Variants in SLC24A3 observed in about 807,000 individuals in gnomAD.
SLC24A3 encodes sodium/potassium/calcium exchanger 3.
SLC24A3 carries 28 observed loss-of-function variants against 75.8 expected under a neutral mutation model. That is an observed-to-expected ratio of 0.37 (90% CI 0.27 to 0.51). The LOEUF (loss-of-function observed/expected upper bound fraction) is 0.51. SLC24A3 is among the 20% of genes least tolerant of loss of function. SLC24A3 has a pLI of 0.94. For missense variants in SLC24A3, 663 were observed against 847.8 expected (o/e 0.78, Z 2.71); for synonymous variants, 372 against 334.1 (o/e 1.11, Z -1.24).
intron 2 of SLC24A3, among the ~76,000 whole-genome samples, chr20:19,391,074 G>A (rs934961253): frequency 4.6e-5 from 7 of 152,216 alleles, no homozygotes; most frequent in African/African-American, 1.7e-4. Context: ...GCGGCTTTGG[G>A]ACCATCCTGG....
At chr20:19,515,609 G>A (rs2029970897) in intron 3 of SLC24A3, 45 bp downstream of exon 3, 1 of 1,602,912 alleles carries the variant, frequency 6.2e-7, no homozygotes, top group Non-Finnish European at 8.5e-7. Context: ...CATAGGCTAG[G>A]CCTAGGGGTG....
chr20:19,540,809 G>A (rs146728901), intron 3 of SLC24A3, among the ~76,000 whole-genome samples: 120 of 152,276 alleles, frequency 7.9e-4, no homozygotes, highest in African/African-American at 2.4e-3. Flanking sequence ...CCCATCTTCC[G>A]TCCCTTTATA....
At chr20:19,514,881 G>T (rs1021834099) in intron 2 of SLC24A3, among the ~76,000 whole-genome samples, 7 of 152,170 alleles carry the variant, frequency 4.6e-5, no homozygotes, top group Non-Finnish European at 8.8e-5. Context: ...CAGGGAGGGG[G>T]TTGTTCTAAT....
chr20:19,586,166 G>A (rs1425684498), intron 6 of SLC24A3, among the ~76,000 whole-genome samples: 2 of 152,150 alleles, frequency 1.3e-5, no homozygotes, highest in Admixed American at 6.5e-5. Flanking sequence ...GGAAAGTCTG[G>A]GGAAGGTGCT....
intron 9 of SLC24A3, among the ~76,000 whole-genome samples, chr20:19,679,164 G>T (rs1486156196): frequency 6.6e-6 from 1 of 151,956 alleles, no homozygotes; most frequent in Non-Finnish European, 1.5e-5. Flanking sequence ...CTGGGAGGTG[G>T]AGGTTGTAGC....
chr20:19,676,651 G>C (rs1438928861), intron 9 of SLC24A3, among the ~76,000 whole-genome samples: 1 of 152,212 alleles, frequency 6.6e-6, no homozygotes, highest in African/African-American at 2.4e-5. Context: ...AGAATCGTCA[G>C]CTGCCTCCTA....
chr20:19,431,027 G>T (rs547508427), intron 2 of SLC24A3, among the ~76,000 whole-genome samples: 1 of 152,176 alleles, frequency 6.6e-6, no homozygotes, highest in South Asian at 2.1e-4. Flanking sequence ...TCTCTGCTGG[G>T]GGCAAAAGGA....
In SLC24A3 at chr20:19,675,706, C is replaced by T. The variant is rs117964492; in HGVS notation, c.767+2052C>T. Among the ~76,000 whole-genome samples, 201 of 152,334 alleles carry T rather than the reference C, an allele frequency of 1.3e-3. 3 individuals are homozygous for T. The East Asian group carries it at 0.036, about 27-fold the overall frequency. ...AAACCAGAAGTTACACACCGTAGAA[C>T]TAATCATTTAAAAATACCAATAGAT... On this transcript the variant is annotated intron_variant, in intron 9 of 16. Coordinates refer to ENST00000328041, the MANE Select transcript of SLC24A3 (RefSeq NM_020689.4).
At chr20:19,241,955 G>A (rs1982341502) in intron 1 of SLC24A3, among the ~76,000 whole-genome samples, 1 of 152,170 alleles carries the variant, frequency 6.6e-6, no homozygotes, top group African/African-American at 2.4e-5. Flanking sequence ...ATCACATCGG[G>A]CAGCGAGTCT....
At chr20:19,672,517 T>A (rs2032480437) in intron 8 of SLC24A3, among the ~76,000 whole-genome samples, 1 of 152,052 alleles carries the variant, frequency 6.6e-6, no homozygotes, top group Non-Finnish European at 1.5e-5. Flanking sequence ...TTAATTTTTT[T>A]CTGGAGACGG....
intron 7 of SLC24A3, among the ~76,000 whole-genome samples, chr20:19,664,081 C>T (rs977885988): frequency 6.6e-6 from 1 of 152,182 alleles, no homozygotes; most frequent in African/African-American, 2.4e-5. Context: ...CTAATAAACT[C>T]TTTCTCAATA....
At chr20:19,412,438 G>A (rs1174084074) in intron 2 of SLC24A3, among the ~76,000 whole-genome samples, 1 of 152,064 alleles carries the variant, frequency 6.6e-6, no homozygotes, top group Non-Finnish European at 1.5e-5. Context: ...AGGAAGAAGA[G>A]ACAGGGAGGA....
rs376155143 is a variant in SLC24A3 at position 19,515,216 on chromosome 20, G to A, written c.272-272G>A. Among the ~76,000 whole-genome samples, 13 of 152,340 alleles carry A rather than the reference G, an allele frequency of 8.5e-5. No homozygotes were observed. In the East Asian group the frequency reaches 1.9e-3, roughly 23 times the overall value. On this transcript the variant is annotated intron_variant, in intron 2 of 16. Coordinates refer to ENST00000328041, the MANE Select transcript of SLC24A3 (RefSeq NM_020689.4). ...TAACAACCACCATAAGATTGAAGCA[G>A]TGGGTGAGAGCTGCACAAGTATGAT...
At chr20:19,530,313 G>A (rs889797594) in intron 3 of SLC24A3, among the ~76,000 whole-genome samples, 6 of 152,158 alleles carry the variant, frequency 3.9e-5, no homozygotes, top group African/African-American at 9.7e-5. Context: ...CAGAATCACC[G>A]TGCTACTCTG....
At chr20:19,654,641 C>CTTTTT (rs34507566) in intron 7 of SLC24A3, among the ~76,000 whole-genome samples, 6 of 89,966 alleles carry the variant, frequency 6.7e-5, no homozygotes, top group Non-Finnish European at 1.0e-4. Flanking sequence ...AAATAGAATC[C>CTTTTT]TTTTTTTTTT....
At chr20:19,289,358 T>C (rs1333718099) in intron 2 of SLC24A3, among the ~76,000 whole-genome samples, 2 of 152,198 alleles carry the variant, frequency 1.3e-5, no homozygotes, top group Non-Finnish European at 2.9e-5. Context: ...AGACCACATG[T>C]CTAGTACTCA....
At chr20:19,303,716 A>G (rs1446336233) in intron 2 of SLC24A3, among the ~76,000 whole-genome samples, 1 of 152,148 alleles carries the variant, frequency 6.6e-6, no homozygotes, top group East Asian at 1.9e-4. Context: ...TTTAGAGGAG[A>G]CCGTAAATGT....
At chr20:19,637,837 T>C (rs2032019542) in intron 6 of SLC24A3, among the ~76,000 whole-genome samples, 1 of 152,222 alleles carries the variant, frequency 6.6e-6, no homozygotes, top group Non-Finnish European at 1.5e-5. Flanking sequence ...CGAAAGCTAA[T>C]GGTATGTGAC....
chr20:19,623,005 A>C (rs1365534478), intron 6 of SLC24A3, among the ~76,000 whole-genome samples: 3 of 152,228 alleles, frequency 2.0e-5, no homozygotes, highest in African/African-American at 7.2e-5. Context: ...GCACCAAGCC[A>C]TCTGCCCCTA....
Sources: gnomAD v4.1 joint callset for allele counts (sites outside exome capture counted in the v4.1 genomes callset) on GRCh38, gnomAD v4.1.1 for gene constraint, MANE v1.5 for transcripts, NCBI Gene and HGNC (gene_info 2026-07-23, HGNC 2026-07-21) for gene names.